Variants in PLA2G6 observed in about 807,000 individuals in gnomAD.
The protein encoded by PLA2G6 is 85/88 kDa calcium-independent phospholipase A2.
A neutral mutation model predicts 83.8 loss-of-function variants in PLA2G6; 62 were observed. The ratio of observed to expected loss-of-function variants is 0.74; its 90% CI spans 0.60 to 0.91. The LOEUF (loss-of-function observed/expected upper bound fraction) is 0.91. Among genes scored for constraint, PLA2G6 ranks in the 40% least tolerant of loss-of-function variants. PLA2G6 has a pLI of 0.00. For missense variants in PLA2G6, 944 were observed against 1,102.0 expected (o/e 0.86, Z 2.03); for synonymous variants, 417 against 449.8 (o/e 0.93, Z 0.92).
At chr22:38,119,961 G>A (rs2087429073) in intron 12 of PLA2G6, among the ~76,000 whole-genome samples, 1 of 146,062 alleles carries the variant, frequency 6.8e-6, no homozygotes, top group Admixed American at 7.1e-5. Flanking sequence ...CCACAGAGCA[G>A]AAAGACAAGC....
chr22:38,142,986 C>G (rs1478871141), intron 4 of PLA2G6, 119 bp downstream of exon 4: 1 of 960,942 alleles, frequency 1.0e-6, no homozygotes, highest in East Asian at 2.4e-5. Flanking sequence ...GCTCAGGCCT[C>G]AAGGACCAAT....
intron 2 of PLA2G6, 173 bp from the exon 3 acceptor site, chr22:38,145,826 CA>C (rs1383377821): frequency 6.5e-5 from 43 of 659,038 alleles, no homozygotes; most frequent in African/African-American, 1.8e-4. Context: ...CACACACACA[CA>C]CACACACCCC....
At chr22:38,115,822 C>A (rs370731849) in intron 13 of PLA2G6, 141 bp from the exon 14 acceptor site, 85 of 1,476,850 alleles carry the variant, frequency 5.8e-5, no homozygotes, top group Middle Eastern at 2.4e-4. Context: ...GCAGGACCCA[C>A]GAAGCCACAC....
chr22:38,167,043 A>G (rs1019414795), intron 2 of PLA2G6, among the ~76,000 whole-genome samples: 1 of 152,022 alleles, frequency 6.6e-6, no homozygotes, highest in African/African-American at 2.4e-5. Context: ...CCTGGCTAAC[A>G]TGGTGAAACC....
In PLA2G6 at chr22:38,132,853, G is replaced by A. The variant is rs757152384; in HGVS notation, c.1055C>T (p.Thr352Ile). 3 of 1,550,210 alleles carry A rather than the reference G, an allele frequency of 1.9e-6. No homozygotes were observed. Among genetic ancestry groups the A allele is most frequent in the South Asian group, 2.4e-5 (2 of 84,196 alleles). Reference sequence around the variant, plus strand: ...CACCGACATGGCCAGGTGCAGCGGGGTGTTGCCGTGCTCTCCGCGGGCATC... The same window carrying A: ...CACCGACATGGCCAGGTGCAGCGGGATGTTGCCGTGCTCTCCGCGGGCATC... ...NADARGEHGN[T>I]PLHLAMSKDN... Residue 352 changes from threonine to isoleucine, a missense_variant, in exon 7 of 17, where the codon ACC (threonine) becomes ATC (isoleucine). Physicochemically the swap from Thr to Ile is moderately conservative, Grantham distance 89 (BLOSUM62 -1). Coordinates refer to ENST00000332509, the MANE Select transcript of PLA2G6 (RefSeq NM_003560.4). The surrounding 1 kb of genome is among the most constrained non-coding windows in gnomAD (Gnocchi z 5.0).
chr22:38,145,777 C>A, intron 2 of PLA2G6, 124 bp from the exon 3 acceptor site: 7 of 526,312 alleles, frequency 1.3e-5, no homozygotes, highest in East Asian at 4.2e-5. Flanking sequence ...GACTCCCCTC[C>A]CAAGCAAACA....
intron 2 of PLA2G6, among the ~76,000 whole-genome samples, chr22:38,151,415 A>AT (rs767362226): frequency 9.2e-5 from 14 of 151,948 alleles, no homozygotes; most frequent in Non-Finnish European, 1.8e-4. Flanking sequence ...AATTTTTTGT[A>AT]TTTTCAGTAG....
intron 2 of PLA2G6, chr22:38,150,267 C>T (rs954165683): frequency 6.6e-6 from 1 of 152,106 alleles, no homozygotes; most frequent in African/African-American, 2.4e-5. Flanking sequence ...TCCCAGCTTC[C>T]AGACCAATGC....
chr22:38,126,469 G>A lies in PLA2G6; in HGVS notation c.1349-20C>T, dbSNP rs2087867808. The stretch of plus-strand genomic sequence containing the variant: ...GTAGTTCTGTGAGGCACAGAGCAGG[G>A]CATGCTGTGGTCAGGTGGGTCCCCA... On this transcript the variant is annotated intron_variant, in intron 9 of 16. Coordinates refer to ENST00000332509, the MANE Select transcript of PLA2G6 (RefSeq NM_003560.4). 3.8e-6 allele frequency: 6 copies of A among 1,599,588 alleles called. No individual in the cohort carries two copies. Among genetic ancestry groups the A allele is most frequent in the African/African-American group, 2.7e-5 (2 of 74,654 alleles).
chr22:38,134,836 C>T (rs2088441645), intron 6 of PLA2G6, 152 bp downstream of exon 6: 3 of 618,394 alleles, frequency 4.9e-6, no homozygotes, highest in South Asian at 3.8e-5. Flanking sequence ...AGGATCCCAG[C>T]TCTTCATGGA....
Position 38,179,161 on chromosome 22 carries a change from C to T in PLA2G6, c.-46+2503G>A, listed in dbSNP as rs1036747938. Among the ~76,000 whole-genome samples the T allele has an allele frequency of 2.0e-5, 3 of 152,074 alleles. 1 individual carries two copies. ...CATATGAATAGCTAGGCAAAGAGAG[C>T]GTGTGCAAAGGCCATGGGGCTGGAA... On this transcript the variant is annotated intron_variant, in intron 1 of 16. Coordinates refer to ENST00000332509, the MANE Select transcript of PLA2G6 (RefSeq NM_003560.4).
At chr22:38,115,901 C>T (rs776500207) in intron 13 of PLA2G6, 174 bp downstream of exon 13, 14 of 1,469,126 alleles carry the variant, frequency 9.5e-6, no homozygotes, top group African/African-American at 1.4e-5. Flanking sequence ...TTCTAACCTG[C>T]CAGGGGCCTG....
chr22:38,132,086 G>C lies in PLA2G6; in HGVS notation c.1077+745C>G, dbSNP rs1392714029. The C allele has an allele frequency of 2.2e-6, 1 of 454,038 alleles. No homozygotes were observed. The highest frequency in any genetic ancestry group is 7.1e-5 in the East Asian group (1 of 14,130). 28.1% of individuals were successfully genotyped at this position (454,038 alleles called of 1,614,324 possible). A position where few individuals can be genotyped will look rare whatever the true frequency, so the allele number is the denominator to read the frequency against. ...GCCGAGATCGCGCCACTGCACTCCAGCCTGGGCGACAGTGCGAGACTCCAT... is the reference window on the plus strand; with the variant it reads ...GCCGAGATCGCGCCACTGCACTCCACCCTGGGCGACAGTGCGAGACTCCAT... On this transcript the variant is annotated intron_variant, in intron 7 of 16. Transcript: ENST00000332509. This position sits in a 1 kb window ranked among gnomAD's most constrained non-coding sequence, Gnocchi z 5.0.
chr22:38,116,140 G>A lies in PLA2G6; in HGVS notation c.1814C>T (p.Pro605Leu). 6.2e-7 allele frequency: 1 copy of A among 1,614,020 alleles called. No homozygotes were observed. The highest frequency in any genetic ancestry group is 8.5e-7 in the Non-Finnish European group (1 of 1,179,930). ...ELHLFRNYDA[P>L]ETVREPRFNQ... Reference sequence around the variant, plus strand: ...GAAACGAGGCTCCCGGACAGTTTCTGGAGCATCGTAGTTCCGGAAGAGGTG... The same window carrying A: ...GAAACGAGGCTCCCGGACAGTTTCTAGAGCATCGTAGTTCCGGAAGAGGTG... Residue 605 changes from proline (P) to leucine (L), a missense_variant, in exon 13 of 17, where the codon CCA becomes CTA. Transcript: ENST00000332509.
rs2145658057 is a variant in PLA2G6 at position 38,111,584 on chromosome 22, C to G, written c.*577G>C. 1 of 172,108 alleles carries G rather than the reference C, an allele frequency of 5.8e-6. No individual in the cohort carries two copies. The highest frequency in any genetic ancestry group is 1.3e-5 in the Non-Finnish European group (1 of 78,876). The allele number at this position is 172,108 out of a possible 1,614,324, so 10.7% of individuals were successfully genotyped here. On this transcript the variant is annotated 3_prime_UTR_variant, in exon 17 of 17. Transcript: ENST00000332509. ...AACTCCCAGGAGTGACCTTTGAGAG[C>G]TGAGGGTTCTCGGGGTGGGGCAGTG... is the stretch of plus-strand genomic sequence containing the variant.
Position 38,123,284 on chromosome 22 carries a change from G to GA in PLA2G6, c.1428-27dup, listed in dbSNP as rs764764312. 1.3e-6 allele frequency: 2 copies of GA among 1,553,580 alleles called. No homozygotes were observed. The highest frequency in any genetic ancestry group is 4.8e-5 in the East Asian group (2 of 41,342). On this transcript the variant is annotated intron_variant, in intron 10 of 16. Coordinates refer to ENST00000332509, the MANE Select transcript of PLA2G6 (RefSeq NM_003560.4). This position sits in a 1 kb window ranked among gnomAD's most constrained non-coding sequence, Gnocchi z 4.1. ...CTGCAGTGGGAACAGCAGTGGGAGAGAGGAGGGTCCTGCCACAGCCCAGTA... is the reference window on the plus strand; with the variant it reads ...CTGCAGTGGGAACAGCAGTGGGAGAGAAGGAGGGTCCTGCCACAGCCCAGTA...
chr22:38,126,638 C>A, intron 9 of PLA2G6, 189 bp from the exon 10 acceptor site: 1 of 627,416 alleles, frequency 1.6e-6, no homozygotes, highest in Non-Finnish European at 2.9e-6. Flanking sequence ...CCACAGGCCA[C>A]AGGAGAGAAA....
chr22:38,115,804 C>G, intron 13 of PLA2G6, 123 bp from the exon 14 acceptor site: 1 of 1,484,660 alleles, frequency 6.7e-7, no homozygotes. Flanking sequence ...GCTGGGAACT[C>G]TTCAGAAGCA....
At chr22:38,144,821 ATAACG>A in intron 3 of PLA2G6, 1 of 170,128 alleles carries the variant, frequency 5.9e-6, no homozygotes, top group Non-Finnish European at 1.2e-5. Context: ...ATAAAATAAC[ATAACG>A]TAACATAAAA....
Sources: gnomAD v4.1 joint callset for allele counts (sites outside exome capture counted in the v4.1 genomes callset) on GRCh38, gnomAD v4.1.1 for gene constraint, Gnocchi (gnomAD v3.1) non-coding constraint, MANE v1.5 for transcripts, NCBI Gene and HGNC (gene_info 2026-07-23, HGNC 2026-07-21) for gene names.